EBF3: variants seen among roughly 807,000 people sequenced by gnomAD.
EBF3 encodes transcription factor COE3.
Under a neutral mutation model 77.1 loss-of-function variants are expected in EBF3, and 18 were observed. The ratio of observed to expected loss-of-function variants is 0.23; its 90% CI spans 0.16 to 0.35. The LOEUF (loss-of-function observed/expected upper bound fraction) is 0.35, where lower values mean the gene tolerates loss of function less well. Ranked by LOEUF, EBF3 falls within the 10% of genes least tolerant of loss-of-function variation. EBF3 has a pLI of 1.00. For synonymous variants in EBF3, 350 were observed against 343.5 expected, an observed-to-expected ratio of 1.02 and a Z score of -0.21; for missense variants, 558 against 860.0, an observed-to-expected ratio of 0.65 and a Z score of 4.39.
intron 6 of EBF3, among the ~76,000 whole-genome samples, chr10:129,939,087 A>G (rs1477436017): frequency 6.6e-6 from 1 of 152,208 alleles, no homozygotes; most frequent in East Asian, 1.9e-4. Flanking sequence ...AGAAGCAAAC[A>G]ATCCCACCCA....
At position 129,836,700 on chromosome 10, in the gene EBF3, A is replaced by AT; in HGVS notation, c.*1242_*1243insA. 1 of 152,636 alleles carries AT rather than the reference A, an allele frequency of 6.6e-6. No individual in the cohort carries two copies. The highest frequency in any genetic ancestry group is 1.5e-5 in the Non-Finnish European group (1 of 68,056). 9.5% of individuals were successfully genotyped at this position (152,636 alleles called of 1,614,324 possible). A position where few individuals can be genotyped will look rare whatever the true frequency, so the allele number is the denominator to read the frequency against. On this transcript the variant is annotated 3_prime_UTR_variant, in exon 17 of 17. Transcript: ENST00000440978. ...GCTTAACGAAACAGATCAAAGAGAC[A>AT]AGTTCTTGGCTAATGCTCTTCCCAG...
chr10:129,872,554 G>C (rs12771486), intron 8 of EBF3, among the ~76,000 whole-genome samples: 24,142 of 152,136 alleles, frequency 0.16, 2,442 homozygotes, highest in African/African-American at 0.27. Flanking sequence ...CCTCGGGATA[G>C]AGGATTTGTC....
intron 6 of EBF3, among the ~76,000 whole-genome samples, chr10:129,949,380 C>T (rs1469250347): frequency 6.6e-6 from 1 of 152,196 alleles, no homozygotes; most frequent in African/African-American, 2.4e-5. Context: ...CTCCCTAAAC[C>T]AGTGAGCAGC....
intron 6 of EBF3, among the ~76,000 whole-genome samples, chr10:129,886,910 C>T (rs760370519): frequency 3.9e-5 from 6 of 151,946 alleles, no homozygotes; most frequent in East Asian, 3.9e-4. Context: ...CACAGAGAGA[C>T]GCACACTTGA....
intron 6 of EBF3, among the ~76,000 whole-genome samples, chr10:129,913,619 T>C (rs1855673875): frequency 6.6e-6 from 1 of 152,244 alleles, no homozygotes; most frequent in African/African-American, 2.4e-5. Flanking sequence ...CCCTGAAATG[T>C]ATTCCTTGTA....
chr10:129,896,606 G>A (rs574308744), intron 6 of EBF3, among the ~76,000 whole-genome samples: 5 of 152,320 alleles, frequency 3.3e-5, no homozygotes, highest in African/African-American at 1.2e-4. Flanking sequence ...CTGGGGCGCG[G>A]CCTCCTGGCG....
Position 129,963,830 on chromosome 10 carries a change from G to C in EBF3, c.-62C>G. The C allele has an allele frequency of 6.9e-7, 1 of 1,458,908 alleles. No homozygotes were observed. Among genetic ancestry groups the C allele is most frequent in the Non-Finnish European group, 9.1e-7 (1 of 1,093,604 alleles). 90.4% of individuals were successfully genotyped at this position (1,458,908 alleles called of 1,614,324 possible). On this transcript the variant is annotated 5_prime_UTR_variant, in exon 1 of 17. Coordinates refer to ENST00000440978, the MANE Select transcript of EBF3 (RefSeq NM_001375380.1). The surrounding 1 kb of genome is among the most constrained non-coding windows in gnomAD (Gnocchi z 7.1). ...AGCGTTTCCTCGAGCAGCGGCGCTC[G>C]GGGCTTGGCGGCAGGCGGCTGCCCT...
intron 10 of EBF3, among the ~76,000 whole-genome samples, chr10:129,855,302 C>T (rs370793595): frequency 6.6e-6 from 1 of 152,308 alleles, no homozygotes; most frequent in African/African-American, 2.4e-5. Flanking sequence ...TGGATGGCGG[C>T]ATTGTGATGT....
In EBF3 at chr10:129,837,840, G is replaced by T; in HGVS notation, c.*103C>A. On this transcript the variant is annotated 3_prime_UTR_variant, in exon 17 of 17. Coordinates refer to ENST00000440978, the MANE Select transcript of EBF3 (RefSeq NM_001375380.1). ...TGCTGCTGATTTTTTTGAAGATACT[G>T]TTTCCATCAGCATGTCTTAATATAC... The T allele has an allele frequency of 2.0e-6, 3 of 1,486,268 alleles. No homozygotes were observed. Among genetic ancestry groups the T allele is most frequent in the Admixed American group, 1.8e-5 (1 of 55,788 alleles). 92.1% of individuals were successfully genotyped at this position (1,486,268 alleles called of 1,614,324 possible).
intron 6 of EBF3, among the ~76,000 whole-genome samples, chr10:129,930,285 T>C (rs948843032): frequency 2.6e-5 from 4 of 152,212 alleles, no homozygotes; most frequent in Non-Finnish European, 5.9e-5. Context: ...AGCCTCATAA[T>C]CCTGTGAGCC....
chr10:129,902,626 G>A (rs1589823292), intron 6 of EBF3, among the ~76,000 whole-genome samples: 1 of 152,296 alleles, frequency 6.6e-6, no homozygotes, highest in South Asian at 2.1e-4. Context: ...GCCACTGTCA[G>A]GTCTTACCTG....
At chr10:129,914,658 G>C (rs563622596) in intron 6 of EBF3, among the ~76,000 whole-genome samples, 74 of 152,174 alleles carry the variant, frequency 4.9e-4, no homozygotes, top group Non-Finnish European at 9.0e-4. Context: ...AAGACCCACT[G>C]TGCGGCCGGT....
At position 129,837,835 on chromosome 10, in the gene EBF3, A is replaced by G. The variant is rs1849703437; in HGVS notation, c.*108T>C. 1 of 1,449,988 alleles carries G rather than the reference A, an allele frequency of 6.9e-7. No homozygotes were observed. Among genetic ancestry groups the G allele is most frequent in the Non-Finnish European group, 9.6e-7 (1 of 1,044,586 alleles). 89.8% of individuals were successfully genotyped at this position (1,449,988 alleles called of 1,614,324 possible). A position where few individuals can be genotyped will look rare whatever the true frequency, so the allele number is the denominator to read the frequency against. Reference sequence around the variant, plus strand: ...TCAATTGCTGCTGATTTTTTTGAAGATACTGTTTCCATCAGCATGTCTTAA... The same window carrying G: ...TCAATTGCTGCTGATTTTTTTGAAGGTACTGTTTCCATCAGCATGTCTTAA... On this transcript the variant is annotated 3_prime_UTR_variant, in exon 17 of 17. Transcript: ENST00000440978.
intron 6 of EBF3, among the ~76,000 whole-genome samples, chr10:129,886,156 T>C (rs1853572014): frequency 6.6e-6 from 1 of 151,226 alleles, no homozygotes; most frequent in East Asian, 2.0e-4. Flanking sequence ...TTAAGAACTA[T>C]CATCTTTGTA....
At chr10:129,877,476 G>C (rs1852867322) in intron 7 of EBF3, among the ~76,000 whole-genome samples, 1 of 86,330 alleles carries the variant, frequency 1.2e-5, no homozygotes, top group Non-Finnish European at 2.1e-5. Flanking sequence ...GCAAGACTCT[G>C]TCTCCAAAAA....
intron 10 of EBF3, among the ~76,000 whole-genome samples, chr10:129,855,232 C>G (rs752799611): frequency 1.3e-5 from 2 of 152,210 alleles, no homozygotes; most frequent in Admixed American, 6.5e-5. Context: ...GGAATTCACA[C>G]AGACAGCCCA....
chr10:129,848,677 G>T lies in EBF3; in HGVS notation c.1040-197C>A, dbSNP rs1432167190. ...GCACATAAAAGCAACGATTATTTCT[G>T]ATCTATAATTAGACTGGAAGAAAGT... On this transcript the variant is annotated intron_variant, in intron 10 of 16. Coordinates refer to ENST00000440978, the MANE Select transcript of EBF3 (RefSeq NM_001375380.1). The surrounding 1 kb of genome is among the most constrained non-coding windows in gnomAD (Gnocchi z 4.4). 1.3e-5 allele frequency among the ~76,000 whole-genome samples: 2 copies of T among 152,116 alleles called. No individual in the cohort carries two copies. The highest frequency in any genetic ancestry group is 2.9e-5 in the Non-Finnish European group (2 of 68,032).
chr10:129,875,906 A>G (rs546131255), intron 7 of EBF3, among the ~76,000 whole-genome samples: 1 of 152,238 alleles, frequency 6.6e-6, no homozygotes, highest in Non-Finnish European at 1.5e-5. Flanking sequence ...GGCATTGAAG[A>G]CACTCTACAA....
rs1849939192 is a variant in EBF3 at position 129,840,402 on chromosome 10, G to A, written c.1602C>T (p.Thr534=). 6.4e-7 allele frequency: 1 copy of A among 1,552,612 alleles called. No homozygotes were observed. Among genetic ancestry groups the A allele is most frequent in the East Asian group, 2.4e-5 (1 of 41,096 alleles). ...GTGTGCTGCTACAGTTTGAAGGGAG[G>A]GTGACCGAAGAGGCTGCCATGGTGG... ...SSPTMAASSV[T]LPSNCSSTHG... Residue 534 remains threonine (T), a synonymous_variant, in exon 15 of 17, where the codon ACC becomes ACT. Transcript: ENST00000440978.
Sources: gnomAD v4.1 joint callset for allele counts (sites outside exome capture counted in the v4.1 genomes callset) on GRCh38, gnomAD v4.1.1 for gene constraint, Gnocchi (gnomAD v3.1) non-coding constraint, MANE v1.5 for transcripts, NCBI Gene and HGNC (gene_info 2026-07-23, HGNC 2026-07-21) for gene names.